ETFDH: variants seen among roughly 807,000 people sequenced by gnomAD.
The protein encoded by ETFDH is electron transfer flavoprotein dehydrogenase.
In ETFDH, 61 loss-of-function variants were observed where a neutral mutation model predicts 73.2. That is an observed-to-expected ratio of 0.83 (90% CI 0.68 to 1.03). The LOEUF is 1.03. Among genes scored for constraint, ETFDH ranks in the 50% least tolerant of loss-of-function variants. ETFDH has a pLI of 0.00. For missense variants in ETFDH, 685 were observed against 745.0 expected, an observed-to-expected ratio of 0.92 and a Z score of 0.94; for synonymous variants, 243 against 253.3, an observed-to-expected ratio of 0.96 and a Z score of 0.39.
chr4:158,692,877 A>T (rs1774211418), intron 6 of ETFDH, among the ~76,000 whole-genome samples: 2 of 9,856 alleles, frequency 2.0e-4, no homozygotes, highest in Admixed American at 2.0e-3. Context: ...AAAAAAGATT[A>T]AAAAAAAAAA....
At chr4:158,683,292 A>G (rs919379472) in intron 3 of ETFDH, among the ~76,000 whole-genome samples, 1 of 152,172 alleles carries the variant, frequency 6.6e-6, no homozygotes, top group African/African-American at 2.4e-5. Flanking sequence ...GTTATATTAT[A>G]CCTGTCCTAC....
intron 6 of ETFDH, among the ~76,000 whole-genome samples, chr4:158,694,228 G>A (rs1774251440): frequency 6.6e-6 from 1 of 152,108 alleles, no homozygotes; most frequent in South Asian, 2.1e-4. Flanking sequence ...CACATTGTAG[G>A]TATTCATTCA....
At chr4:158,701,338 A>T (rs1055709545) in intron 9 of ETFDH, among the ~76,000 whole-genome samples, 2 of 152,162 alleles carry the variant, frequency 1.3e-5, no homozygotes, top group Admixed American at 6.5e-5. Flanking sequence ...CCTAATCTTT[A>T]TCTGTTTTCA....
In ETFDH at chr4:158,681,195, G is replaced by A. The variant is rs75887137; in HGVS notation, c.175+588G>A. On this transcript the variant is annotated intron_variant, in intron 2 of 12. Transcript: ENST00000511912. ...CCTTCCAGTGGGAGAAAATGTGGAG[G>A]TGAAAGATATTGATGATCCTGACCC... Among the ~76,000 whole-genome samples, 517 of 152,238 alleles carry A rather than the reference G, an allele frequency of 3.4e-3. 1 individual carries two copies. Among genetic ancestry groups the A allele is most frequent in the African/African-American group, 0.012 (490 of 41,538 alleles).
At chr4:158,688,665 T>A (rs1774076281) in intron 5 of ETFDH, among the ~76,000 whole-genome samples, 1 of 151,548 alleles carries the variant, frequency 6.6e-6, no homozygotes, top group Non-Finnish European at 1.5e-5. Context: ...AGAGCAAGAG[T>A]CCATCTCAAA....
At chr4:158,685,040 A>G in intron 4 of ETFDH, 61 bp from the exon 5 acceptor site, 1 of 954,574 alleles carries the variant, frequency 1.0e-6, no homozygotes, top group Admixed American at 1.8e-5. Flanking sequence ...TAAAGTATTT[A>G]TGTTTTTGTA....
At chr4:158,692,888 A>AT (rs1410503604) in intron 6 of ETFDH, among the ~76,000 whole-genome samples, 254 of 119,094 alleles carry the variant, frequency 2.1e-3, no homozygotes, top group African/African-American at 7.7e-3. Flanking sequence ...AAAAAAAAAA[A>AT]ACATATATAT....
At chr4:158,696,425 C>T (rs1774308892) in intron 7 of ETFDH, among the ~76,000 whole-genome samples, 1 of 151,974 alleles carries the variant, frequency 6.6e-6, no homozygotes, top group Non-Finnish European at 1.5e-5. Context: ...AGAACCACTT[C>T]ACTCCAAGAG....
chr4:158,679,360 T>C (rs903771652), intron 1 of ETFDH: 1 of 152,112 alleles, frequency 6.6e-6, no homozygotes, highest in East Asian at 1.9e-4. Context: ...TGGTATCAGA[T>C]GGAGGAATGT....
intron 1 of ETFDH, among the ~76,000 whole-genome samples, chr4:158,677,693 G>A (rs1773744651): frequency 6.6e-6 from 1 of 152,204 alleles, no homozygotes; most frequent in African/African-American, 2.4e-5. Context: ...GCTACAAAGA[G>A]TCTGTTCTGT....
In ETFDH at chr4:158,680,724, T is replaced by G. The variant is rs1371892243; in HGVS notation, c.175+117T>G. 11 of 892,832 alleles carry G rather than the reference T, an allele frequency of 1.2e-5. No individual in the cohort carries two copies. The East Asian group carries it at 2.9e-4, about 24-fold the overall frequency. The allele number at this position is 892,832 out of a possible 1,614,324, so 55.3% of individuals were successfully genotyped here. On this transcript the variant is annotated intron_variant, in intron 2 of 12. Coordinates refer to ENST00000511912, the MANE Select transcript of ETFDH (RefSeq NM_004453.4). ...AAAACATCTAATAATATTTTGTGGC[T>G]TTACCAAGTCACATGCTGCATAATG...
intron 6 of ETFDH, among the ~76,000 whole-genome samples, chr4:158,692,629 A>G (rs1489856697): frequency 6.6e-6 from 1 of 151,678 alleles, no homozygotes; most frequent in Non-Finnish European, 1.5e-5. Context: ...TTTTTCATAT[A>G]TTACGGTTCT....
At chr4:158,690,611 C>T (rs567969598) in intron 6 of ETFDH, among the ~76,000 whole-genome samples, 186 bp downstream of exon 6, 8 of 151,942 alleles carry the variant, frequency 5.3e-5, no homozygotes, top group Admixed American at 2.6e-4. Flanking sequence ...CCCAGGAGTT[C>T]GAGGCTGCAG....
At position 158,708,815 on chromosome 4, in the gene ETFDH, T is replaced by A. The variant is rs1032547611; in HGVS notation, c.*288T>A. ...GACTTTACATTTGACTTGCCAAAGT[T>A]AAGTAATCAAATATAAAAATGAATA... On this transcript the variant is annotated 3_prime_UTR_variant, in exon 13 of 13. Transcript: ENST00000511912. 5.8e-6 allele frequency: 2 copies of A among 343,026 alleles called. No individual in the cohort carries two copies. The highest frequency in any genetic ancestry group is 6.5e-5 in the East Asian group (1 of 15,280). The allele number at this position is 343,026 out of a possible 1,614,324, so 21.2% of individuals were successfully genotyped here.
chr4:158,708,637 A>AATG lies in ETFDH; in HGVS notation c.*113_*115dup. ...ATATTACTGAACAGAATAGTCACAA[A>AATG]ATGATTATCAAATAAAAATTTTATA... On this transcript the variant is annotated 3_prime_UTR_variant, in exon 13 of 13. Transcript: ENST00000511912. 1 of 892,274 alleles carries AATG rather than the reference A, an allele frequency of 1.1e-6. No homozygotes were observed. Among genetic ancestry groups the AATG allele is most frequent in the Non-Finnish European group, 1.8e-6 (1 of 553,460 alleles). 55.3% of individuals were successfully genotyped at this position (892,274 alleles called of 1,614,324 possible). A position where few individuals can be genotyped will look rare whatever the true frequency, so the allele number is the denominator to read the frequency against.
At chr4:158,688,219 C>G (rs1011109767) in intron 5 of ETFDH, among the ~76,000 whole-genome samples, 13 of 147,520 alleles carry the variant, frequency 8.8e-5, no homozygotes, top group African/African-American at 2.8e-4. Flanking sequence ...TGGTGAAACC[C>G]CCTCTCTACT....
chr4:158,703,488 T>TC lies in ETFDH; in HGVS notation c.1185dup (p.Lys396GlnfsTer21). The stretch of plus-strand genomic sequence containing the variant: ...GTTGTAGTCCTGGTTTTATGAATGT[T>TC]CCCAAGATCAAAGGTACTCACACAG... On this transcript the variant is annotated frameshift_variant, in exon 10 of 13. Transcript: ENST00000511912. LOFTEE classifies it high-confidence loss of function. The TC allele has an allele frequency of 6.2e-7, 1 of 1,611,134 alleles. No individual in the cohort carries two copies. Among genetic ancestry groups the TC allele is most frequent in the Non-Finnish European group, 8.5e-7 (1 of 1,177,336 alleles).
intron 11 of ETFDH, 128 bp downstream of exon 11, chr4:158,706,499 T>TA: frequency 9.1e-7 from 1 of 1,094,546 alleles, no homozygotes. Context: ...CTAAGAACAG[T>TA]ATATTATTAC....
chr4:158,673,883 G>A (rs1441313828), intron 1 of ETFDH, among the ~76,000 whole-genome samples: 1 of 152,240 alleles, frequency 6.6e-6, no homozygotes, highest in Non-Finnish European at 1.5e-5. Context: ...ATATGGTGAT[G>A]CTATGAGTTC....
Sources: gnomAD v4.1 joint callset for allele counts (sites outside exome capture counted in the v4.1 genomes callset) on GRCh38, gnomAD v4.1.1 for gene constraint, MANE v1.5 for transcripts, NCBI Gene and HGNC (gene_info 2026-07-23, HGNC 2026-07-21) for gene names.